SHANK2: variants seen among roughly 807,000 people sequenced by gnomAD.
SHANK2 encodes the protein SH3 and multiple ankyrin repeat domains 2.
Under a neutral mutation model 133.7 loss-of-function variants are expected in SHANK2, and 43 were observed. The observed-to-expected ratio is 0.32, with a 90% confidence interval of 0.25 to 0.41. The LOEUF (loss-of-function observed/expected upper bound fraction) is 0.41, where lower values mean the gene tolerates loss of function less well. SHANK2 is among the 10% of genes least tolerant of loss of function. The pLI is 1.00. For missense variants in SHANK2, 1,994 were observed against 2,235.8 expected (o/e 0.89, Z 2.18); for synonymous variants, 1,017 against 952.8 (o/e 1.07, Z -1.24).
intron 14 of SHANK2, among the ~76,000 whole-genome samples, chr11:70,779,035 C>T (rs969026958): frequency 6.6e-6 from 1 of 152,004 alleles, no homozygotes; most frequent in African/African-American, 2.4e-5. Flanking sequence ...AGAGCAGGCA[C>T]CACCACTGCT....
intron 14 of SHANK2, among the ~76,000 whole-genome samples, chr11:70,721,275 G>A (rs1946070590): frequency 6.6e-6 from 1 of 152,254 alleles, no homozygotes; most frequent in Non-Finnish European, 1.5e-5. Flanking sequence ...AGGGACTGCA[G>A]CCGCTCCTGG....
intron 3 of SHANK2, 150 bp downstream of exon 3, chr11:71,146,970 C>T (rs782236033): frequency 1.8e-5 from 11 of 614,548 alleles, no homozygotes; most frequent in South Asian, 5.7e-5. Flanking sequence ...CCTGGGGGGA[C>T]GGGGGCAGAA....
chr11:70,473,150 G>C lies in SHANK2; in HGVS notation c.5269C>G (p.Pro1757Ala). 1 of 1,614,166 alleles carries C rather than the reference G, an allele frequency of 6.2e-7. No homozygotes were observed. Among genetic ancestry groups the C allele is most frequent in the Non-Finnish European group, 8.5e-7 (1 of 1,179,964 alleles). ...GATGGCGACCTACTGCGTCCCGCTGGGTTCAAGCCAAATAGATCCCCAGAA... is the reference window on the plus strand; with the variant it reads ...GATGGCGACCTACTGCGTCCCGCTGCGTTCAAGCCAAATAGATCCCCAGAA... ...PPSGDLFGLN[P>A]AGRSRSPSPS... Residue 1757 changes from proline (P) to alanine (A), a missense_variant, in exon 26 of 26, where the codon CCA (proline) becomes GCA (alanine). This residue lies in a region of SHANK2 where 797 missense variants were observed against 907.4 expected (regional missense o/e 0.88). Coordinates refer to ENST00000601538, the MANE Select transcript of SHANK2 (RefSeq NM_012309.5). The surrounding 1 kb of genome is among the most constrained non-coding windows in gnomAD (Gnocchi z 5.9).
intron 2 of SHANK2, among the ~76,000 whole-genome samples, chr11:71,210,247 T>TATATATATATATATATATAG (rs1954240814): frequency 1.1e-5 from 1 of 93,594 alleles, no homozygotes; most frequent in Non-Finnish European, 2.0e-5. Flanking sequence ...TATATATATA[T>TATATATATATATATATATAG]ATATATTTAT....
chr11:71,098,961 G>T (rs1048775960), intron 6 of SHANK2, among the ~76,000 whole-genome samples: 2 of 152,134 alleles, frequency 1.3e-5, no homozygotes, highest in Admixed American at 6.5e-5. Flanking sequence ...GCCAGGAGAT[G>T]GGGGGGCAGC....
chr11:70,770,753 G>A (rs1192519858), intron 14 of SHANK2, among the ~76,000 whole-genome samples: 2 of 152,052 alleles, frequency 1.3e-5, no homozygotes, highest in African/African-American at 4.8e-5. Flanking sequence ...TCTCTCCGAG[G>A]AAAAGTAACC....
At chr11:70,897,372 C>T (rs560862953) in intron 10 of SHANK2, among the ~76,000 whole-genome samples, 18 of 152,318 alleles carry the variant, frequency 1.2e-4, no homozygotes, top group South Asian at 6.2e-4. Context: ...ATCTACAATG[C>T]GCTGATGTCA....
intron 15 of SHANK2, chr11:70,667,833 AC>A (rs1944708921): frequency 6.6e-6 from 1 of 152,112 alleles, no homozygotes; most frequent in South Asian, 2.1e-4. Flanking sequence ...AACTCTGAAC[AC>A]CAGTGTTATT....
At position 71,252,073 on chromosome 11, in the gene SHANK2, G is replaced by A. The variant is rs1948193006; in HGVS notation, c.-113+352C>T. ...CGCGCTGTTCCAGAGGAAGGGGCAG[G>A]ACGCGCCAGAGACTACGTGGTCCAT... On this transcript the variant is annotated intron_variant, in intron 1 of 25. Coordinates refer to ENST00000601538, the MANE Select transcript of SHANK2 (RefSeq NM_012309.5). The surrounding 1 kb of genome is among the most constrained non-coding windows in gnomAD (Gnocchi z 6.3). Among the ~76,000 whole-genome samples the A allele has an allele frequency of 6.6e-6, 1 of 152,102 alleles. No homozygotes were observed. Among genetic ancestry groups the A allele is most frequent in the South Asian group, 2.1e-4 (1 of 4,832 alleles).
At chr11:71,168,033 C>CGGAGGGGCTCCTCACTTCTCAGACGGGGT (rs1953218062) in intron 2 of SHANK2, among the ~76,000 whole-genome samples, 1 of 133,898 alleles carries the variant, frequency 7.5e-6, no homozygotes, top group African/African-American at 3.0e-5. Flanking sequence ...TCAGACGGGG[C>CGGAGGGGCTCCTCACTTCTCAGACGGGGT]GGCTGCCAGG....
chr11:70,472,452 G>T lies in SHANK2; in HGVS notation c.*417C>A, dbSNP rs886363337. On this transcript the variant is annotated 3_prime_UTR_variant, in exon 26 of 26. Transcript: ENST00000601538. This position sits in a 1 kb window ranked among gnomAD's most constrained non-coding sequence, Gnocchi z 4.4. ...GAAAGGCCTCATGCCGGGGCCTGGG[G>T]TGGTGAGAGCTGCCCGGAAAGCAGA... The T allele has an allele frequency of 7.6e-6, 2 of 264,198 alleles. No homozygotes were observed. The highest frequency in any genetic ancestry group is 4.7e-5 in the South Asian group (1 of 21,416). The allele number at this position is 264,198 out of a possible 1,614,324, so 16.4% of individuals were successfully genotyped here.
chr11:70,886,942 G>A (rs1324618590), intron 11 of SHANK2, among the ~76,000 whole-genome samples: 3 of 152,132 alleles, frequency 2.0e-5, no homozygotes, highest in Admixed American at 2.0e-4. Context: ...CATAGCTGCG[G>A]AAGGACAAGA....
chr11:70,577,665 C>G (rs79982732), intron 17 of SHANK2, among the ~76,000 whole-genome samples: 48 of 152,286 alleles, frequency 3.2e-4, no homozygotes, highest in African/African-American at 1.1e-3. Context: ...GGCCCACCCC[C>G]ACCTGAGCAT....
chr11:71,226,942 T>C (rs1302578465), intron 1 of SHANK2, among the ~76,000 whole-genome samples: 3 of 152,120 alleles, frequency 2.0e-5, no homozygotes, highest in African/African-American at 7.2e-5. Flanking sequence ...GTTCTAAATA[T>C]ATAGAGCAAA....
intron 9 of SHANK2, among the ~76,000 whole-genome samples, chr11:71,069,309 T>C (rs994407414): frequency 6.6e-6 from 1 of 151,496 alleles, no homozygotes; most frequent in African/African-American, 2.4e-5. Flanking sequence ...TTCACCATCA[T>C]CACTATCAAC....
At chr11:70,703,456 G>T (rs1158367188) in intron 14 of SHANK2, among the ~76,000 whole-genome samples, 1 of 152,182 alleles carries the variant, frequency 6.6e-6, no homozygotes, top group Non-Finnish European at 1.5e-5. Context: ...AAGCGGGGTG[G>T]GCTAGACGGC....
intron 9 of SHANK2, among the ~76,000 whole-genome samples, chr11:71,065,466 T>A (rs1170338521): frequency 3.4e-5 from 3 of 87,318 alleles, no homozygotes; most frequent in South Asian, 4.2e-4. Flanking sequence ...TTGGGGGGTG[T>A]GTGCAGAACT....
At chr11:70,944,124 C>T (rs1371011590) in intron 10 of SHANK2, among the ~76,000 whole-genome samples, 3 of 152,216 alleles carry the variant, frequency 2.0e-5, no homozygotes, top group Non-Finnish European at 2.9e-5. Context: ...ATAACAGCTA[C>T]GTTTTGAAAT....
chr11:70,924,704 G>A (rs561799664), intron 10 of SHANK2, among the ~76,000 whole-genome samples: 1 of 152,072 alleles, frequency 6.6e-6, no homozygotes, highest in East Asian at 1.9e-4. Flanking sequence ...TGATCTGCCC[G>A]CCTTGACCCC....
Sources: allele counts gnomAD v4.1 joint callset (sites outside exome capture counted in the v4.1 genomes callset), GRCh38; gene constraint gnomAD v4.1.1; regional missense constraint gnomAD v4.1.1; non-coding constraint Gnocchi (gnomAD v3.1); transcripts MANE v1.5; gene names NCBI Gene and HGNC (gene_info 2026-07-23, HGNC 2026-07-21).